Variants in SPTBN1 observed in about 807,000 individuals in gnomAD.
The protein encoded by SPTBN1 is spectrin beta, non-erythrocytic 1.
A neutral mutation model predicts 266.4 loss-of-function variants in SPTBN1; 32 were observed. The observed-to-expected ratio is 0.12, with a 90% CI of 0.09 to 0.16. The LOEUF (loss-of-function observed/expected upper bound fraction) is 0.16. Among genes scored for constraint, SPTBN1 ranks in the 10% least tolerant of loss-of-function variants. The pLI is 1.00. For synonymous variants in SPTBN1, 1,336 were observed against 1,162.2 expected (o/e 1.15, Z -3.04); for missense variants, 2,296 against 3,067.1 (o/e 0.75, Z 5.94).
At chr2:54,510,477 C>T (rs1400738335) in intron 1 of SPTBN1, among the ~76,000 whole-genome samples, 1 of 152,226 alleles carries the variant, frequency 6.6e-6, no homozygotes, top group Admixed American at 6.5e-5. Flanking sequence ...ATACTTCTCT[C>T]TGTGCAGAGT....
Position 54,653,707 on chromosome 2 carries a change from C to T in SPTBN1, c.5676C>T (p.Ala1892=). 6.2e-7 allele frequency: 1 copy of T among 1,614,202 alleles called. No homozygotes were observed. Among genetic ancestry groups the T allele is most frequent in the Admixed American group, 1.7e-5 (1 of 60,024 alleles). The change falls in exon 27 of 36, where the codon GCC becomes GCT. Residue 1892 remains alanine, a synonymous_variant. Coordinates refer to ENST00000356805, the MANE Select transcript of SPTBN1 (RefSeq NM_003128.3). This position sits in a 1 kb window ranked among gnomAD's most constrained non-coding sequence, Gnocchi z 5.1. ...IQKRENEVLE[A]WKSLLDACES... Reference sequence around the variant, plus strand: ...AGCGCGAGAACGAGGTCCTGGAAGCCTGGAAGTCCCTCCTGGACGCCTGTG... The same window carrying T: ...AGCGCGAGAACGAGGTCCTGGAAGCTTGGAAGTCCCTCCTGGACGCCTGTG...
intron 18 of SPTBN1, among the ~76,000 whole-genome samples, chr2:54,639,079 G>A (rs1002322074): frequency 5.9e-5 from 9 of 152,308 alleles, no homozygotes; most frequent in Non-Finnish European, 8.8e-5. Flanking sequence ...GGATTTGCCC[G>A]GAGCCAGACA....
At chr2:54,515,888 T>C (rs1264176157) in intron 1 of SPTBN1, 1 of 152,162 alleles carries the variant, frequency 6.6e-6, no homozygotes, top group Non-Finnish European at 1.5e-5. Flanking sequence ...ATACATTATA[T>C]ATCTATGCTA....
chr2:54,656,537 G>A (rs1267471664), intron 29 of SPTBN1, among the ~76,000 whole-genome samples: 2 of 152,180 alleles, frequency 1.3e-5, no homozygotes, highest in Non-Finnish European at 2.9e-5. Context: ...AGCTAATACA[G>A]GGTTTATAAT....
intron 1 of SPTBN1, among the ~76,000 whole-genome samples, chr2:54,500,846 A>G (rs1423632858): frequency 2.0e-5 from 3 of 152,178 alleles, no homozygotes; most frequent in Non-Finnish European, 2.9e-5. Flanking sequence ...CTGGCTGCGC[A>G]TTTTAAAGAT....
At chr2:54,481,421 TGTGTGTGTGTGTGTGTG>T (rs752623719) in intron 1 of SPTBN1, among the ~76,000 whole-genome samples, 21 of 135,098 alleles carry the variant, frequency 1.6e-4, no homozygotes, top group Middle Eastern at 3.6e-3. Context: ...TGTGTGTGTG[TGTGTGTGTGTGTGTGTG>T]TGTTTTGTTT....
At chr2:54,605,212 A>G (rs1485806257) in intron 3 of SPTBN1, among the ~76,000 whole-genome samples, 4 of 152,222 alleles carry the variant, frequency 2.6e-5, no homozygotes, top group Non-Finnish European at 5.9e-5. Flanking sequence ...GTTTGGCAAT[A>G]TAAAAATAGC....
Position 54,557,968 on chromosome 2 carries a change from T to C in SPTBN1, c.148+31402T>C. The C allele has an allele frequency of 7.0e-6, 6 of 853,524 alleles. No individual in the cohort carries two copies. The South Asian group carries it at 3.4e-4, about 48-fold the overall frequency. The allele number at this position is 853,524 out of a possible 1,614,324, so 52.9% of individuals were successfully genotyped here. Reference sequence around the variant, plus strand: ...CGCGCGCGCCCAGGTGCGGGCCGCGTTACCTCAGCAGACGCTAGAGAGTGA... The same window carrying C: ...CGCGCGCGCCCAGGTGCGGGCCGCGCTACCTCAGCAGACGCTAGAGAGTGA... On this transcript the variant is annotated intron_variant, in intron 2 of 35. Transcript: ENST00000356805.
At chr2:54,499,231 AT>A (rs917199699) in intron 1 of SPTBN1, among the ~76,000 whole-genome samples, 3 of 151,852 alleles carry the variant, frequency 2.0e-5, no homozygotes, top group African/African-American at 7.3e-5. Flanking sequence ...ATTTGTTTTA[AT>A]TTTTTTCTCC....
At chr2:54,524,250 A>G (rs1254354628) in intron 1 of SPTBN1, among the ~76,000 whole-genome samples, 2 of 151,992 alleles carry the variant, frequency 1.3e-5, no homozygotes, top group African/African-American at 4.8e-5. Context: ...GCTTCATACC[A>G]CTTTAAAAGG....
chr2:54,616,416 T>C (rs143222924), intron 5 of SPTBN1, 118 bp downstream of exon 5: 218 of 786,270 alleles, frequency 2.8e-4, no homozygotes, highest in Non-Finnish European at 4.1e-4. Flanking sequence ...GGAAGTCTTG[T>C]TAACTCGCAA....
At chr2:54,650,615 A>G (rs1680212065) in intron 26 of SPTBN1, among the ~76,000 whole-genome samples, 2 of 152,236 alleles carry the variant, frequency 1.3e-5, no homozygotes, top group Admixed American at 6.5e-5. Context: ...CAATTTTATT[A>G]AAGATGTTAT....
intron 2 of SPTBN1, among the ~76,000 whole-genome samples, chr2:54,598,607 A>G (rs1175710657): frequency 6.6e-6 from 1 of 151,972 alleles, no homozygotes; most frequent in African/African-American, 2.4e-5. Flanking sequence ...GAGATTTCCT[A>G]CCCTACACCC....
Position 54,581,577 on chromosome 2 carries a change from CTTTTTTT to C in SPTBN1, c.149-17498_149-17492del, listed in dbSNP as rs70944181. Among the ~76,000 whole-genome samples the C allele has an allele frequency of 3.2e-3, 332 of 102,666 alleles. 3 individuals are homozygous for C. The highest frequency in any genetic ancestry group is 0.013 in the African/African-American group (314 of 24,422). The allele number at this position is 102,666 out of a possible 152,430, so 67.4% of individuals were successfully genotyped here. A position where few individuals can be genotyped will look rare whatever the true frequency, so the allele number is the denominator to read the frequency against. On this transcript the variant is annotated intron_variant, in intron 2 of 35. Transcript: ENST00000356805. ...GCCTTCATGCTTTGGTTTCTTTGCC[CTTTTTTT>C]TTTTTTTTTTTTTTTTGAAACTTTT...
intron 1 of SPTBN1, among the ~76,000 whole-genome samples, chr2:54,460,820 G>A (rs530009188): frequency 6.6e-5 from 10 of 152,254 alleles, no homozygotes; most frequent in African/African-American, 2.4e-4. Flanking sequence ...GGCCAACATG[G>A]TGAAACCCCA....
At chr2:54,555,659 C>G (rs957169214) in intron 2 of SPTBN1, among the ~76,000 whole-genome samples, 1 of 152,096 alleles carries the variant, frequency 6.6e-6, no homozygotes, top group East Asian at 1.9e-4. Context: ...TCAAAAGTCT[C>G]CAGTGGCTCC....
At chr2:54,557,950 G>A (rs1443973423) in intron 2 of SPTBN1, 2 of 984,930 alleles carry the variant, frequency 2.0e-6, no homozygotes, top group East Asian at 2.3e-4. Context: ...AGTCGCGCGC[G>A]CCCAGGTGCG....
At chr2:54,456,782 G>A (rs1240161945) in intron 1 of SPTBN1, among the ~76,000 whole-genome samples, 5 of 150,746 alleles carry the variant, frequency 3.3e-5, no homozygotes, top group Admixed American at 2.0e-4. Flanking sequence ...GCGGTGAGGC[G>A]GCAGCAGACC....
chr2:54,477,000 G>T (rs1667865047), intron 1 of SPTBN1, among the ~76,000 whole-genome samples: 1 of 134,850 alleles, frequency 7.4e-6, no homozygotes, highest in Admixed American at 7.6e-5. Context: ...TTGGACAGAT[G>T]GTCCAAACAC....
Sources: allele counts gnomAD v4.1 joint callset (sites outside exome capture counted in the v4.1 genomes callset), GRCh38; gene constraint gnomAD v4.1.1; non-coding constraint Gnocchi (gnomAD v3.1); transcripts MANE v1.5; gene names NCBI Gene and HGNC (gene_info 2026-07-23, HGNC 2026-07-21).